The following IFNLR1 variants were observed in gnomAD, a reference collection of about 807,000 sequenced individuals.
IFNLR1 encodes the protein CRF2-12.
Under a neutral mutation model 52.5 loss-of-function variants are expected in IFNLR1, and 28 were observed. The observed-to-expected ratio is 0.53, with a 90% CI of 0.40 to 0.73. IFNLR1 has a LOEUF of 0.73. Ranked by LOEUF, IFNLR1 falls within the 30% of genes least tolerant of loss-of-function variation. The probability of loss-of-function intolerance (pLI) is 0.00; values close to 1 mark genes in which losing one functional copy is unlikely to be tolerated. For missense variants in IFNLR1, 623 were observed against 659.1 expected (o/e 0.95, Z 0.60); for synonymous variants, 276 against 274.9 (o/e 1.00, Z -0.04).
intron 3 of IFNLR1, among the ~76,000 whole-genome samples, chr1:24,168,416 T>C (rs12036427): frequency 0.96 from 146,176 of 152,216 alleles, 70,209 homozygotes; most frequent in East Asian, 1. Flanking sequence ...TTATCCTCCC[T>C]TTGTTACCCG....
chr1:24,175,954 A>C lies in IFNLR1; in HGVS notation c.182+4777T>G, dbSNP rs530783994. On this transcript the variant is annotated intron_variant, in intron 2 of 6. Coordinates refer to ENST00000327535, the MANE Select transcript of IFNLR1 (RefSeq NM_170743.4). ...TGTTTCAAAAAAAAAAAAAAAAGAG[A>C]GTTTTGGGGCTGTTGGGAGGGGGTG... Among the ~76,000 whole-genome samples the C allele has an allele frequency of 4.4e-4, 65 of 146,476 alleles. No individual in the cohort carries two copies. In the South Asian group the frequency reaches 0.01, roughly 23 times the overall value.
intron 6 of IFNLR1, among the ~76,000 whole-genome samples, chr1:24,158,291 G>A (rs952689326): frequency 1.8e-4 from 27 of 152,234 alleles, no homozygotes; most frequent in African/African-American, 6.3e-4. Context: ...AGCCCATTGG[G>A]TGCAGGCGCT....
Position 24,169,615 on chromosome 1 carries a change from G to C in IFNLR1, c.183-14C>G, listed in dbSNP as rs779700114. The C allele has an allele frequency of 6.2e-7, 1 of 1,609,568 alleles. No homozygotes were observed. The highest frequency in any genetic ancestry group is 2.2e-5 in the East Asian group (1 of 44,858). ...CGGGTGGGAGAGCTGGGGGAGGAGA[G>C]AGGAGAGCTTGGGCCATGGACTCAG... On this transcript the variant is annotated splice_polypyrimidine_tract_variant and intron_variant, in intron 2 of 6. Coordinates refer to ENST00000327535, the MANE Select transcript of IFNLR1 (RefSeq NM_170743.4).
intron 3 of IFNLR1, among the ~76,000 whole-genome samples, 161 bp from the exon 4 acceptor site, chr1:24,161,845 G>T (rs1176053040): frequency 6.6e-6 from 1 of 152,158 alleles, no homozygotes; most frequent in East Asian, 1.9e-4. Flanking sequence ...GCCTTGCACT[G>T]ACCCTGGGAG....
Position 24,157,004 on chromosome 1 carries a change from T to C in IFNLR1, c.*126A>G, listed in dbSNP as rs1017761959. 1.2e-5 allele frequency: 14 copies of C among 1,133,422 alleles called. No individual in the cohort carries two copies. Among genetic ancestry groups the C allele is most frequent in the Non-Finnish European group, 1.8e-5 (14 of 794,658 alleles). 70.2% of individuals were successfully genotyped at this position (1,133,422 alleles called of 1,614,324 possible). A position where few individuals can be genotyped will look rare whatever the true frequency, so the allele number is the denominator to read the frequency against. ...CAGGCAAACAGCCGCTAGGTGGACT[T>C]CCCGGAAGTGCAATGCCCCTCCGCC... On this transcript the variant is annotated 3_prime_UTR_variant, in exon 7 of 7. Coordinates refer to ENST00000327535, the MANE Select transcript of IFNLR1 (RefSeq NM_170743.4). The surrounding 1 kb of genome is among the most constrained non-coding windows in gnomAD (Gnocchi z 5.1).
Position 24,187,120 on chromosome 1 carries a change from G to A in IFNLR1, c.58+71C>T, listed in dbSNP as rs1415750183. The A allele has an allele frequency of 3.7e-6, 4 of 1,068,708 alleles. No individual in the cohort carries two copies. The East Asian group carries it at 1.3e-4, about 35-fold the overall frequency. 66.2% of individuals were successfully genotyped at this position (1,068,708 alleles called of 1,614,324 possible). A position where few individuals can be genotyped will look rare whatever the true frequency, so the allele number is the denominator to read the frequency against. On this transcript the variant is annotated intron_variant, in intron 1 of 6. Transcript: ENST00000327535. ...CCCCGTGCCTGTCCCAGGAGCTCCG[G>A]GTCCGAGGGTAGGCGCGGCCCGGCC...
intron 4 of IFNLR1, chr1:24,161,325 T>G (rs1014730309): frequency 3.3e-6 from 2 of 612,622 alleles, no homozygotes; most frequent in African/African-American, 3.7e-5. Context: ...TATTTTTCAG[T>G]TTTTCTGTAC....
chr1:24,159,118 C>T lies in IFNLR1; in HGVS notation c.735G>A (p.Gly245=), dbSNP rs1269485126. The T allele has an allele frequency of 6.2e-7, 1 of 1,614,172 alleles. No individual in the cohort carries two copies. Among genetic ancestry groups the T allele is most frequent in the Non-Finnish European group, 8.5e-7 (1 of 1,180,036 alleles). ...LLILLLVIAA[G]GVIWKTLMGN... ...CCATGAGGGTCTTCCAGATCACACCCCCTGCGGCAATTACTAACAGCAGTA... is the reference window on the plus strand; with the variant it reads ...CCATGAGGGTCTTCCAGATCACACCTCCTGCGGCAATTACTAACAGCAGTA... Residue 245 remains glycine, a synonymous_variant, in exon 6 of 7, where the codon GGG becomes GGA. Coordinates refer to ENST00000327535, the MANE Select transcript of IFNLR1 (RefSeq NM_170743.4).
chr1:24,185,868 A>T (rs1644732323), intron 1 of IFNLR1, among the ~76,000 whole-genome samples: 1 of 152,144 alleles, frequency 6.6e-6, no homozygotes, highest in Non-Finnish European at 1.5e-5. Context: ...CTTGGGACAG[A>T]CCACCCTATG....
In IFNLR1 at chr1:24,159,040, G is replaced by A. The variant is rs761958590; in HGVS notation, c.801+12C>T. The A allele has an allele frequency of 6.2e-7, 1 of 1,613,186 alleles. No individual in the cohort carries two copies. The highest frequency in any genetic ancestry group is 8.5e-7 in the Non-Finnish European group (1 of 1,179,544). On this transcript the variant is annotated intron_variant, in intron 6 of 6. Coordinates refer to ENST00000327535, the MANE Select transcript of IFNLR1 (RefSeq NM_170743.4). ...CCTCCCCACCTGCTGCACACCCCCA[G>A]ATTTGCTATACCAGGGCCCGTGGCA... is the stretch of plus-strand genomic sequence containing the variant.
intron 4 of IFNLR1, 32 bp downstream of exon 4, chr1:24,161,510 C>T (rs1240791111): frequency 3.2e-6 from 5 of 1,552,782 alleles, no homozygotes; most frequent in East Asian, 2.4e-5. Context: ...GAGGAGCGGG[C>T]CTAGCCTGGG....
At position 24,173,127 on chromosome 1, in the gene IFNLR1, CAAA is replaced by C. The variant is rs60148493; in HGVS notation, c.183-3529_183-3527del. Among the ~76,000 whole-genome samples the C allele has an allele frequency of 5.8e-4, 62 of 106,922 alleles. No individual in the cohort carries two copies. The Middle Eastern group carries it at 0.014, about 24-fold the overall frequency. 70.1% of individuals were successfully genotyped at this position (106,922 alleles called of 152,430 possible). A position where few individuals can be genotyped will look rare whatever the true frequency, so the allele number is the denominator to read the frequency against. On this transcript the variant is annotated intron_variant, in intron 2 of 6. Coordinates refer to ENST00000327535, the MANE Select transcript of IFNLR1 (RefSeq NM_170743.4). ...ATCAAATTAAAATATTTTTCTCTTC[CAAA>C]AAAAAAAAAAAAACCCACCAAAAAA...
intron 3 of IFNLR1, among the ~76,000 whole-genome samples, chr1:24,163,831 G>A (rs367969847): frequency 6.6e-6 from 1 of 151,884 alleles, no homozygotes; most frequent in Non-Finnish European, 1.5e-5. Context: ...TGCCTGCCTC[G>A]GCCTCCCAAA....
At chr1:24,169,337 G>A (rs1644553521) in intron 3 of IFNLR1, 80 bp downstream of exon 3, 3 of 1,343,952 alleles carry the variant, frequency 2.2e-6, no homozygotes, top group Admixed American at 4.2e-5. Flanking sequence ...ATGGTCAGGA[G>A]AACAGAACCA....
intron 2 of IFNLR1, 45 bp downstream of exon 2, chr1:24,180,683 CCCA>C: frequency 1.7e-6 from 2 of 1,186,232 alleles, no homozygotes; most frequent in Admixed American, 2.1e-5. Flanking sequence ...CCAGCCCCCA[CCCA>C]CCCCCTCAGT....
intron 2 of IFNLR1, 127 bp from the exon 3 acceptor site, chr1:24,169,728 G>C (rs939468869): frequency 1.4e-5 from 13 of 918,698 alleles, no homozygotes; most frequent in Admixed American, 5.5e-5. Context: ...GTCCAGACAG[G>C]CAGCCACTGG....
rs759865903 is a variant in IFNLR1, at chr1:24,157,218, T to C, written c.1475A>G (p.Glu492Gly). The C allele has an allele frequency of 6.2e-7, 1 of 1,614,146 alleles. No homozygotes were observed. The highest frequency in any genetic ancestry group is 2.2e-5 in the East Asian group (1 of 44,862). The part of the protein sequence containing the change: ...EEEEARESEI[E>G]DSDAGSWGAE... Reference sequence around the variant, plus strand: ...CCCCCAGCTGCCCGCATCGCTGTCCTCAATTTCTGATTCCCTCGCCTCCTC... The same window carrying C: ...CCCCCAGCTGCCCGCATCGCTGTCCCCAATTTCTGATTCCCTCGCCTCCTC... Residue 492 changes from glutamate to glycine, a missense_variant, in exon 7 of 7, where the codon GAG becomes GGG. Physicochemically the swap from Glu to Gly is moderately conservative, Grantham distance 98 (BLOSUM62 -2). Coordinates refer to ENST00000327535, the MANE Select transcript of IFNLR1 (RefSeq NM_170743.4). This position sits in a 1 kb window ranked among gnomAD's most constrained non-coding sequence, Gnocchi z 5.1.
chr1:24,166,467 G>A (rs552685497), intron 3 of IFNLR1, among the ~76,000 whole-genome samples: 1 of 151,642 alleles, frequency 6.6e-6, no homozygotes, highest in Admixed American at 6.6e-5. Flanking sequence ...TCCCTGCCTG[G>A]ATGTCCTGCT....
rs147288795 is a variant in IFNLR1 at position 24,159,419 on chromosome 1, G to A, written c.670+55C>T. The A allele has an allele frequency of 8.8e-5, 135 of 1,532,824 alleles. 1 individual carries two copies. The African/African-American group carries it at 1.5e-3, about 17-fold the overall frequency. 95.0% of individuals were successfully genotyped at this position (1,532,824 alleles called of 1,614,324 possible). A position where few individuals can be genotyped will look rare whatever the true frequency, so the allele number is the denominator to read the frequency against. ...CTCATGTTCTTAACCACTGTGTCACGAAGCTCCCAAGGCCCAGAGGGAAAG... is the reference window on the plus strand; with the variant it reads ...CTCATGTTCTTAACCACTGTGTCACAAAGCTCCCAAGGCCCAGAGGGAAAG... On this transcript the variant is annotated intron_variant, in intron 5 of 6. Transcript: ENST00000327535.
Sources: gnomAD v4.1 joint callset for allele counts (sites outside exome capture counted in the v4.1 genomes callset) on GRCh38, gnomAD v4.1.1 for gene constraint, Gnocchi (gnomAD v3.1) non-coding constraint, MANE v1.5 for transcripts, NCBI Gene and HGNC (gene_info 2026-07-23, HGNC 2026-07-21) for gene names.